The following SOX5 variants were observed in gnomAD, a reference collection of about 807,000 sequenced individuals.
SOX5 encodes the protein SRY-box transcription factor 5.
In SOX5, 9 loss-of-function variants were observed where a neutral mutation model predicts 92.0. The ratio of observed to expected loss-of-function variants is 0.10; its 90% CI spans 0.06 to 0.17. The LOEUF (loss-of-function observed/expected upper bound fraction) is 0.17. Ranked by LOEUF, SOX5 falls within the 10% of genes least tolerant of loss-of-function variation. The pLI is 1.00. For missense variants in SOX5, 642 were observed against 944.5 expected (o/e 0.68, Z 4.20); for synonymous variants, 344 against 336.3 (o/e 1.02, Z -0.25).
At chr12:23,846,268 G>T in intron 2 of SOX5, 75 bp from the exon 3 acceptor site, 2 of 1,153,628 alleles carry the variant, frequency 1.7e-6, no homozygotes, top group Non-Finnish European at 1.3e-6. Context: ...TTGTTTACCT[G>T]AAAGAGAAAG....
intron 8 of SOX5, among the ~76,000 whole-genome samples, chr12:23,606,178 A>G (rs1185388890): frequency 6.6e-6 from 1 of 151,884 alleles, no homozygotes; most frequent in Admixed American, 6.6e-5. Flanking sequence ...CTACTTATAA[A>G]GTCTTTAAGA....
intron 1 of SOX5, among the ~76,000 whole-genome samples, chr12:24,376,878 A>AT (rs33940692): frequency 0.14 from 19,837 of 139,752 alleles, 1,541 homozygotes; most frequent in African/African-American, 0.19. Flanking sequence ...AATTTTTTGA[A>AT]TTTTTTTTTT....
At chr12:24,223,370 T>A (rs1960991184) in intron 3 of SOX5, 1 of 152,242 alleles carries the variant, frequency 6.6e-6, no homozygotes, top group African/African-American at 2.4e-5. Context: ...TCATTGTCTT[T>A]GGATTTACAT....
chr12:23,822,049 T>C (rs1177448933), intron 3 of SOX5, among the ~76,000 whole-genome samples: 1 of 152,180 alleles, frequency 6.6e-6, no homozygotes, highest in Non-Finnish European at 1.5e-5. Context: ...AGTCTATCTA[T>C]TTTGTTAATC....
intron 9 of SOX5, among the ~76,000 whole-genome samples, chr12:23,585,373 G>A (rs1950579960): frequency 6.6e-6 from 1 of 152,110 alleles, no homozygotes; most frequent in South Asian, 2.1e-4. Context: ...GCCATTGTCA[G>A]GAACTATTTA....
At chr12:24,549,857 G>C (rs1311472961) in intron 1 of SOX5, among the ~76,000 whole-genome samples, 1 of 152,182 alleles carries the variant, frequency 6.6e-6, no homozygotes, top group Non-Finnish European at 1.5e-5. Flanking sequence ...AGGAGGATTG[G>C]CCTGATAGTG....
chr12:24,303,081 C>T (rs1014999589), intron 2 of SOX5, among the ~76,000 whole-genome samples: 6 of 151,990 alleles, frequency 3.9e-5, no homozygotes, highest in South Asian at 4.2e-4. Context: ...CAAATGAGAC[C>T]ATTTTTTATA....
intron 2 of SOX5, among the ~76,000 whole-genome samples, chr12:23,849,744 C>T (rs1461539266): frequency 6.6e-6 from 1 of 152,070 alleles, no homozygotes; most frequent in Non-Finnish European, 1.5e-5. Flanking sequence ...AAAGCTCTGT[C>T]CATCCAAATA....
intron 1 of SOX5, among the ~76,000 whole-genome samples, chr12:23,923,216 G>T (rs1938938808): frequency 6.6e-6 from 1 of 152,066 alleles, no homozygotes; most frequent in African/African-American, 2.4e-5. Context: ...CTCCCAAATG[G>T]CAGAGATTAC....
intron 3 of SOX5, among the ~76,000 whole-genome samples, chr12:24,257,938 GC>G (rs1176085539): frequency 2.6e-5 from 4 of 152,004 alleles, no homozygotes; most frequent in Admixed American, 2.6e-4. Context: ...ACTTTGGGAG[GC>G]CGAGGCAAGT....
At chr12:24,323,820 C>A (rs1160515278) in intron 2 of SOX5, among the ~76,000 whole-genome samples, 7 of 151,572 alleles carry the variant, frequency 4.6e-5, no homozygotes, top group Admixed American at 4.6e-4. Flanking sequence ...GCAGGGGAGA[C>A]CAATAAAGTT....
intron 6 of SOX5, among the ~76,000 whole-genome samples, chr12:23,732,119 C>T (rs2093416222): frequency 6.6e-6 from 1 of 152,016 alleles, no homozygotes; most frequent in Admixed American, 6.6e-5. Flanking sequence ...TTCCAATTGC[C>T]TTTCATGATA....
chr12:23,670,041 G>A (rs2084505458), intron 6 of SOX5, among the ~76,000 whole-genome samples: 1 of 152,132 alleles, frequency 6.6e-6, no homozygotes, highest in Non-Finnish European at 1.5e-5. Flanking sequence ...ACAAAACGTG[G>A]AGGAAAGGTG....
At chr12:23,941,728 T>A (rs966827687) in intron 1 of SOX5, among the ~76,000 whole-genome samples, 7 of 151,600 alleles carry the variant, frequency 4.6e-5, no homozygotes, top group Admixed American at 4.0e-4. Context: ...CAAAGTTGAA[T>A]TAGTGAATGC....
intron 4 of SOX5, among the ~76,000 whole-genome samples, chr12:24,134,494 T>C (rs540921546): frequency 1.3e-5 from 2 of 152,326 alleles, no homozygotes; most frequent in East Asian, 3.9e-4. Flanking sequence ...ACTTTGTGTG[T>C]CTGTGTCAGT....
chr12:24,369,649 C>T (rs1348790172), intron 1 of SOX5, among the ~76,000 whole-genome samples: 1 of 152,184 alleles, frequency 6.6e-6, no homozygotes, highest in Non-Finnish European at 1.5e-5. Context: ...TAAAACAAAC[C>T]ATAACTGTGA....
At chr12:23,708,591 G>A (rs1222325375) in intron 6 of SOX5, among the ~76,000 whole-genome samples, 1 of 152,154 alleles carries the variant, frequency 6.6e-6, no homozygotes, top group Non-Finnish European at 1.5e-5. Context: ...GCAATGCACA[G>A]AGCTGACAGG....
upstream of SOX5, among the ~76,000 whole-genome samples, chr12:23,951,825 G>T (rs901145960): frequency 2.6e-5 from 4 of 152,096 alleles, no homozygotes; most frequent in African/African-American, 7.2e-5. Flanking sequence ...AGTTGGGGAA[G>T]GGGGGAAGAA....
intron 3 of SOX5, among the ~76,000 whole-genome samples, chr12:24,267,046 T>C (rs746318149): frequency 3.3e-5 from 5 of 152,198 alleles, no homozygotes; most frequent in African/African-American, 2.4e-5. Flanking sequence ...TTTTTCTAAA[T>C]ACTTATAAAT....
Sources: allele counts gnomAD v4.1 joint callset (sites outside exome capture counted in the v4.1 genomes callset), GRCh38; gene constraint gnomAD v4.1.1; transcripts MANE v1.5; gene names NCBI Gene and HGNC (gene_info 2026-07-23, HGNC 2026-07-21).